TENM3: variants seen among roughly 807,000 people sequenced by gnomAD.
TENM3 encodes the protein teneurin-3.
TENM3 carries 63 observed loss-of-function variants against 255.1 expected under a neutral mutation model. The ratio of observed to expected loss-of-function variants is 0.25; its 90% confidence interval spans 0.20 to 0.30. TENM3 has a LOEUF of 0.30. Among genes scored for constraint, TENM3 ranks in the 10% least tolerant of loss-of-function variants. The probability of loss-of-function intolerance (pLI) is 1.00; values close to 1 mark genes in which losing one functional copy is unlikely to be tolerated. For synonymous variants in TENM3, 1,306 were observed against 1,322.3 expected (o/e 0.99, Z 0.27); for missense variants, 2,929 against 3,461.1 (o/e 0.85, Z 3.86).
chr4:181,537,595 T>C, the TENM3 span, among the ~76,000 whole-genome samples: 1 of 152,198 alleles, frequency 6.6e-6, no homozygotes, highest in Non-Finnish European at 1.5e-5. Context: ...ATATTCCAAG[T>C]ACTATGTTGG....
chr4:182,066,145 C>T, the TENM3 span, among the ~76,000 whole-genome samples: 1 of 152,182 alleles, frequency 6.6e-6, no homozygotes, highest in Non-Finnish European at 1.5e-5. Context: ...TCTCTACGTC[C>T]ACACCAACAC....
chr4:182,149,473 T>C (rs543701843), intron 1 of TENM3, among the ~76,000 whole-genome samples: 1 of 152,220 alleles, frequency 6.6e-6, no homozygotes, highest in Non-Finnish European at 1.5e-5. Flanking sequence ...CATGTCTTTC[T>C]ATTTTAAATT....
At chr4:181,456,111 G>A in the TENM3 span, among the ~76,000 whole-genome samples, 2,991 of 104,238 alleles carry the variant, frequency 0.029, 65 homozygotes, top group African/African-American at 0.098. Flanking sequence ...GTGTGTGTGT[G>A]TGTATATATA....
the TENM3 span, among the ~76,000 whole-genome samples, chr4:182,115,565 A>T: frequency 6.6e-6 from 1 of 152,156 alleles, no homozygotes; most frequent in African/African-American, 2.4e-5. Context: ...AGACAGAGGA[A>T]ATTCTAGGCT....
chr4:182,029,311 C>A, the TENM3 span, among the ~76,000 whole-genome samples: 1 of 152,114 alleles, frequency 6.6e-6, no homozygotes, highest in Non-Finnish European at 1.5e-5. Context: ...CCACCTCCAA[C>A]ACTGGGAAAT....
the TENM3 span, among the ~76,000 whole-genome samples, chr4:181,872,684 A>T: frequency 3.3e-5 from 5 of 152,156 alleles, 1 homozygote; most frequent in Admixed American, 3.3e-4. Context: ...TTTTGTTTTC[A>T]GATTTTTTTC....
At chr4:182,461,860 C>T (rs1732029617) in intron 3 of TENM3, among the ~76,000 whole-genome samples, 1 of 152,138 alleles carries the variant, frequency 6.6e-6, no homozygotes, top group Non-Finnish European at 1.5e-5. Flanking sequence ...ATTCACACAG[C>T]TAAGATAGGG....
chr4:182,527,820 G>A (rs557313515), intron 3 of TENM3, among the ~76,000 whole-genome samples: 4 of 151,934 alleles, frequency 2.6e-5, no homozygotes, highest in African/African-American at 9.6e-5. Flanking sequence ...CTCTGCCTCC[G>A]GGGTTCAAGC....
chr4:182,339,146 T>C (rs188265215), intron 2 of TENM3, among the ~76,000 whole-genome samples: 2 of 152,244 alleles, frequency 1.3e-5, no homozygotes, highest in East Asian at 3.9e-4. Flanking sequence ...GAGAATTGAG[T>C]TTTATGAAAA....
chr4:182,738,623 G>C, intron 18 of TENM3, 79 bp downstream of exon 18: 2 of 1,226,588 alleles, frequency 1.6e-6, no homozygotes, highest in Non-Finnish European at 2.2e-6. Flanking sequence ...TCCAACTCAT[G>C]AGATTGTAGC....
chr4:181,673,123 A>T, the TENM3 span, among the ~76,000 whole-genome samples: 1 of 152,202 alleles, frequency 6.6e-6, no homozygotes, highest in African/African-American at 2.4e-5. Context: ...ACTAAAGTGA[A>T]CTTTGCAAAA....
At chr4:181,954,669 T>G in the TENM3 span, among the ~76,000 whole-genome samples, 3 of 152,204 alleles carry the variant, frequency 2.0e-5, no homozygotes, top group Non-Finnish European at 4.4e-5. Flanking sequence ...TCTTGGTCAG[T>G]GGCTTGATTT....
chr4:182,634,656 T>C (rs2152482322), intron 5 of TENM3, among the ~76,000 whole-genome samples: 1 of 150,114 alleles, frequency 6.7e-6, no homozygotes, highest in Admixed American at 6.7e-5. Flanking sequence ...AAATACCTGT[T>C]GCACTTCTCT....
At chr4:182,652,761 C>G (rs1313643093) in intron 5 of TENM3, among the ~76,000 whole-genome samples, 1 of 152,106 alleles carries the variant, frequency 6.6e-6, no homozygotes, top group Non-Finnish European at 1.5e-5. Context: ...CCAGTACATA[C>G]AGTAAGTAAA....
chr4:181,583,407 G>T, the TENM3 span, among the ~76,000 whole-genome samples: 4 of 92,776 alleles, frequency 4.3e-5, no homozygotes, highest in Non-Finnish European at 7.8e-5. Flanking sequence ...TAGATAGGGT[G>T]ACCAACTTTC....
At chr4:181,768,195 G>C in the TENM3 span, among the ~76,000 whole-genome samples, 3 of 152,234 alleles carry the variant, frequency 2.0e-5, no homozygotes, top group African/African-American at 7.2e-5. Context: ...TTCTCAATAA[G>C]GGGCAATTTT....
At chr4:181,460,068 A>T in the TENM3 span, among the ~76,000 whole-genome samples, 1 of 151,914 alleles carries the variant, frequency 6.6e-6, no homozygotes, top group South Asian at 2.1e-4. Flanking sequence ...ATTTCATGAC[A>T]TTCGTTGCTA....
chr4:182,727,148 C>T (rs2152704689), intron 13 of TENM3, among the ~76,000 whole-genome samples: 1 of 151,942 alleles, frequency 6.6e-6, no homozygotes, highest in Middle Eastern at 3.4e-3. Flanking sequence ...AATGTAATTA[C>T]CAAGGAGATA....
At chr4:182,545,933 G>T (rs1459274084) in intron 3 of TENM3, among the ~76,000 whole-genome samples, 2 of 152,122 alleles carry the variant, frequency 1.3e-5, no homozygotes, top group Non-Finnish European at 2.9e-5. Context: ...ACCATGAATA[G>T]CCTACTATTG....
Sources: gnomAD v4.1 joint callset for allele counts (sites outside exome capture counted in the v4.1 genomes callset) on GRCh38, gnomAD v4.1.1 for gene constraint, MANE v1.5 for transcripts, NCBI Gene and HGNC (gene_info 2026-07-23, HGNC 2026-07-21) for gene names.